ENTPD7: variants seen among roughly 807,000 people sequenced by gnomAD.
ENTPD7 encodes the protein ectonucleoside triphosphate diphosphohydrolase 7.
A neutral mutation model predicts 77.9 loss-of-function variants in ENTPD7; 53 were observed. That is an observed-to-expected ratio of 0.68 (90% confidence interval 0.55 to 0.85). The LOEUF (loss-of-function observed/expected upper bound fraction) is 0.85, where lower values mean the gene tolerates loss of function less well. ENTPD7 is among the 40% of genes least tolerant of loss of function. The pLI, the probability that ENTPD7 is intolerant of heterozygous loss-of-function variation, is 0.00. For synonymous variants in ENTPD7, 248 were observed against 274.9 expected, an observed-to-expected ratio of 0.90 and a Z score of 0.97; for missense variants, 636 against 743.7, an observed-to-expected ratio of 0.86 and a Z score of 1.68.
chr10:99,679,319 T>C lies in ENTPD7; in HGVS notation c.250T>C (p.Tyr84His). Residue 84 changes from tyrosine to histidine, a missense_variant, in exon 4 of 13, where the codon TAT (tyrosine) becomes CAT (histidine). By Grantham distance (83) the Tyr-to-His change is moderately conservative. Around this residue, in one of 3 missense-constraint regions of ENTPD7, gnomAD observed 486 missense variants for 556.5 expected, o/e 0.87. Coordinates refer to ENST00000370489, the MANE Select transcript of ENTPD7 (RefSeq NM_020354.5). ...TGACACTGAAGACCCAAATCTGAAT[T>C]ATGGACTTGTTGTTGACTGTGGCAG... ...ATDTEDPNLN[Y>H]GLVVDCGSSG... 1 of 1,614,144 alleles carries C rather than the reference T, an allele frequency of 6.2e-7. No homozygotes were observed. The highest frequency in any genetic ancestry group is 8.5e-7 in the Non-Finnish European group (1 of 1,180,020).
chr10:99,679,238 A>G, intron 3 of ENTPD7, 23 bp from the exon 4 acceptor site: 5 of 1,613,198 alleles, frequency 3.1e-6, no homozygotes, highest in Non-Finnish European at 4.2e-6. Flanking sequence ...CTTAGCACTG[A>G]TTTCTCTTTT....
At chr10:99,669,253 C>T (rs1038733972) in intron 3 of ENTPD7, among the ~76,000 whole-genome samples, 1 of 152,012 alleles carries the variant, frequency 6.6e-6, no homozygotes, top group East Asian at 1.9e-4. Context: ...CACATTGCAT[C>T]TTTGTATTTT....
chr10:99,662,087 C>T (rs1396477781), intron 3 of ENTPD7, among the ~76,000 whole-genome samples: 1 of 152,078 alleles, frequency 6.6e-6, no homozygotes, highest in Non-Finnish European at 1.5e-5. Context: ...AAGTGGGCTT[C>T]TTGTAGTCAG....
At chr10:99,687,467 G>C (rs987407137) in intron 6 of ENTPD7, among the ~76,000 whole-genome samples, 4 of 151,230 alleles carry the variant, frequency 2.6e-5, no homozygotes, top group Non-Finnish European at 5.9e-5. Flanking sequence ...GAGTTTCACT[G>C]TGTTAACCAG....
chr10:99,659,756 A>C lies in ENTPD7; in HGVS notation c.-95-106A>C. ...GGGTCCCCTGGGCCTGAGGAACCAG[A>C]GCAGACGGAGCGGGAGCCTGGGGAG... is the stretch of plus-strand genomic sequence containing the variant. On this transcript the variant is annotated intron_variant, in intron 1 of 12. Coordinates refer to ENST00000370489, the MANE Select transcript of ENTPD7 (RefSeq NM_020354.5). This position sits in a 1 kb window ranked among gnomAD's most constrained non-coding sequence, Gnocchi z 4.1. 1 of 656,736 alleles carries C rather than the reference A, an allele frequency of 1.5e-6. No homozygotes were observed. The highest frequency in any genetic ancestry group is 1.8e-5 in the African/African-American group (1 of 54,194). 40.7% of individuals were successfully genotyped at this position (656,736 alleles called of 1,614,324 possible).
chr10:99,681,031 T>C (rs755816213), intron 5 of ENTPD7, among the ~76,000 whole-genome samples: 16 of 152,236 alleles, frequency 1.1e-4, no homozygotes, highest in Non-Finnish European at 1.8e-4. Context: ...CCTTGTCACA[T>C]ATTGCAGAAT....
At chr10:99,694,530 G>GTT (rs1268576957) in intron 8 of ENTPD7, among the ~76,000 whole-genome samples, 9 of 61,102 alleles carry the variant, frequency 1.5e-4, no homozygotes, top group Admixed American at 4.3e-4. Context: ...ATGTACATAA[G>GTT]TTTTTTTGTT....
At position 99,709,130 on chromosome 10, in the gene ENTPD7, A is replaced by G. The variant is rs957693052; in HGVS notation, c.*4447A>G. ...ACAATTTCCTTTACTACAACATCCA[A>G]GCAATTCATTAGATGACTACAGCCT... On this transcript the variant is annotated 3_prime_UTR_variant, in exon 13 of 13. Transcript: ENST00000370489. 1.0e-6 allele frequency: 1 copy of G among 983,742 alleles called. No individual in the cohort carries two copies. Among genetic ancestry groups the G allele is most frequent in the Non-Finnish European group, 1.2e-6 (1 of 828,540 alleles). 60.9% of individuals were successfully genotyped at this position (983,742 alleles called of 1,614,324 possible).
chr10:99,672,667 CT>C (rs1011642891), intron 3 of ENTPD7, among the ~76,000 whole-genome samples: 3 of 152,166 alleles, frequency 2.0e-5, no homozygotes, highest in African/African-American at 7.2e-5. Flanking sequence ...CCTGACTGCT[CT>C]GATTAATCTT....
intron 3 of ENTPD7, among the ~76,000 whole-genome samples, chr10:99,668,806 G>A (rs993197975): frequency 2.0e-5 from 3 of 151,948 alleles, no homozygotes; most frequent in East Asian, 1.9e-4. Context: ...TAACACAAGC[G>A]CCTGTAGTTG....
Position 99,688,696 on chromosome 10 carries a change from G to C in ENTPD7, c.655G>C (p.Val219Leu). 6.2e-7 allele frequency: 1 copy of C among 1,613,906 alleles called. No individual in the cohort carries two copies. Among genetic ancestry groups the C allele is most frequent in the Non-Finnish European group, 8.5e-7 (1 of 1,179,888 alleles). The stretch of plus-strand genomic sequence containing the variant: ...GGGCTTTTCTGTTTCTTACTTAGGG[G>C]TTTATGCATGGATTGGAATCAACTT... ...AEVISGKQEGVYAWIGINFVL... is the reference protein window; with the variant it reads ...AEVISGKQEGLYAWIGINFVL... The change falls in exon 7 of 13, where the codon GTT (valine) becomes CTT (leucine). Residue 219 changes from valine (V) to leucine (L), a missense_variant and splice_region_variant. Transcript: ENST00000370489.
At chr10:99,687,376 C>T (rs928556959) in intron 6 of ENTPD7, among the ~76,000 whole-genome samples, 1 of 145,508 alleles carries the variant, frequency 6.9e-6, no homozygotes, top group African/African-American at 2.5e-5. Flanking sequence ...AGCGACTCTC[C>T]TGCCTCAGCC....
In ENTPD7 at chr10:99,702,674, G is replaced by A. The variant is rs149232042; in HGVS notation, c.1583+1G>A. 1 of 1,608,448 alleles carries A rather than the reference G, an allele frequency of 6.2e-7. No individual in the cohort carries two copies. The highest frequency in any genetic ancestry group is 1.3e-5 in the African/African-American group (1 of 74,632). On this transcript the variant is annotated splice_donor_variant, in intron 12 of 12. Coordinates refer to ENST00000370489, the MANE Select transcript of ENTPD7 (RefSeq NM_020354.5). LOFTEE classifies it high-confidence loss of function. ...ATAAAACACGATTCTTACCACTCAG[G>A]TAAAGTAAGACTGACCAATCTGGTA... is the stretch of plus-strand genomic sequence containing the variant.
At chr10:99,673,225 A>T (rs1327797572) in intron 3 of ENTPD7, among the ~76,000 whole-genome samples, 1 of 152,146 alleles carries the variant, frequency 6.6e-6, no homozygotes, top group East Asian at 1.9e-4. Flanking sequence ...GGTCCTCTTT[A>T]GAGATTGGCT....
Position 99,704,505 on chromosome 10 carries a change from C to G in ENTPD7, c.1637C>G (p.Ser546Cys). 1 of 1,614,218 alleles carries G rather than the reference C, an allele frequency of 6.2e-7. No individual in the cohort carries two copies. Residue 546 changes from serine (S) to cysteine (C), a missense_variant, in exon 13 of 13, where the codon TCC becomes TGC. Ser to Cys is a moderately radical substitution (Grantham distance 112). Transcript: ENST00000370489. ...RQAHGSWFRL[S>C]FVYNHYLFFA... is the part of the protein sequence containing the mutation. ...GCCCATGGTAGCTGGTTCCGTCTCTCCTTTGTATACAACCACTATCTCTTC... is the reference window on the plus strand; with the variant it reads ...GCCCATGGTAGCTGGTTCCGTCTCTGCTTTGTATACAACCACTATCTCTTC...
rs2035455702 is a variant in ENTPD7 at position 99,659,946 on chromosome 10, G to A, written c.-11G>A. 6.2e-7 allele frequency: 1 copy of A among 1,614,048 alleles called. No individual in the cohort carries two copies. Among genetic ancestry groups the A allele is most frequent in the Admixed American group, 1.7e-5 (1 of 60,014 alleles). On this transcript the variant is annotated 5_prime_UTR_variant, in exon 2 of 13. Transcript: ENST00000370489. The surrounding 1 kb of genome is among the most constrained non-coding windows in gnomAD (Gnocchi z 4.1). ...GAAGGTGACAGGCGTTGAGACCACC[G>A]AAGGGAACCCATGGCTAGGTAAGGC...
chr10:99,690,563 G>C (rs1218229500), intron 7 of ENTPD7, among the ~76,000 whole-genome samples: 1 of 64,268 alleles, frequency 1.6e-5, no homozygotes, highest in African/African-American at 6.0e-5. Flanking sequence ...TTTTTTTTTT[G>C]AGACAGTCTT....
chr10:99,685,114 G>A (rs1270805082), intron 5 of ENTPD7, among the ~76,000 whole-genome samples: 3 of 152,102 alleles, frequency 2.0e-5, no homozygotes, highest in Non-Finnish European at 2.9e-5. Flanking sequence ...AAAATTAGCC[G>A]GGTGTGGTGA....
chr10:99,708,163 C>T lies in ENTPD7; in HGVS notation c.*3480C>T, dbSNP rs2036288922. 1.3e-5 allele frequency among the ~76,000 whole-genome samples: 2 copies of T among 152,146 alleles called. No homozygotes were observed. Among genetic ancestry groups the T allele is most frequent in the South Asian group, 2.1e-4 (1 of 4,820 alleles). On this transcript the variant is annotated 3_prime_UTR_variant, in exon 13 of 13. Transcript: ENST00000370489. ...AAATGTCTTCCAAAGTATCCTGCCC[C>T]ACCCCCTCCTCATCCTAAGAGATTC...
Sources: allele counts gnomAD v4.1 joint callset (sites outside exome capture counted in the v4.1 genomes callset), GRCh38; gene constraint gnomAD v4.1.1; regional missense constraint gnomAD v4.1.1; non-coding constraint Gnocchi (gnomAD v3.1); transcripts MANE v1.5; gene names NCBI Gene and HGNC (gene_info 2026-07-23, HGNC 2026-07-21).